DYRK1A: variants seen among roughly 807,000 people sequenced by gnomAD.
DYRK1A encodes the protein dual specificity tyrosine phosphorylation regulated kinase 1A.
DYRK1A carries 9 observed loss-of-function variants against 79.7 expected under a neutral mutation model. That is an observed-to-expected ratio of 0.11 (90% CI 0.07 to 0.20). The LOEUF (loss-of-function observed/expected upper bound fraction) is 0.20, where lower values mean the gene tolerates loss of function less well. Among genes scored for constraint, DYRK1A ranks in the 10% least tolerant of loss-of-function variants. DYRK1A has a pLI of 1.00. For synonymous variants in DYRK1A, 349 were observed against 329.7 expected (o/e 1.06, Z -0.63); for missense variants, 622 against 956.0 (o/e 0.65, Z 4.61).
chr21:37,401,072 A>C (rs557501552), intron 1 of DYRK1A, among the ~76,000 whole-genome samples: 1 of 152,214 alleles, frequency 6.6e-6, no homozygotes, highest in African/African-American at 2.4e-5. Flanking sequence ...TGAAGCCGAG[A>C]GGTGGAGGTT....
intron 9 of DYRK1A, chr21:37,502,890 A>C (rs1460149971): frequency 1.3e-5 from 2 of 152,196 alleles, no homozygotes; most frequent in Non-Finnish European, 2.9e-5. Context: ...TTATAGATTA[A>C]CTTCTTTCTT....
chr21:37,423,678 T>G (rs1265800467), intron 2 of DYRK1A, among the ~76,000 whole-genome samples: 1 of 152,192 alleles, frequency 6.6e-6, no homozygotes. Context: ...TTCTTTGTTT[T>G]GTTGAAATGA....
intron 1 of DYRK1A, among the ~76,000 whole-genome samples, chr21:37,414,361 T>A (rs2050297962): frequency 6.6e-6 from 1 of 152,180 alleles, no homozygotes; most frequent in Admixed American, 6.5e-5. Flanking sequence ...TAGTCGTGTG[T>A]GATTTGGGAT....
chr21:37,398,923 TA>T (rs780201317), intron 1 of DYRK1A, among the ~76,000 whole-genome samples: 14 of 148,460 alleles, frequency 9.4e-5, no homozygotes, highest in African/African-American at 3.4e-4. Flanking sequence ...TTTTTTTTTT[TA>T]AACCGCAGAG....
chr21:37,370,090 G>A (rs1000778521), intron 1 of DYRK1A, among the ~76,000 whole-genome samples: 1 of 152,082 alleles, frequency 6.6e-6, no homozygotes, highest in Non-Finnish European at 1.5e-5. Context: ...TAAAGATATG[G>A]GGGTGGAGAG....
intron 9 of DYRK1A, among the ~76,000 whole-genome samples, chr21:37,498,988 TTAA>T (rs2053358426): frequency 6.6e-6 from 1 of 152,122 alleles, no homozygotes; most frequent in African/African-American, 2.4e-5. Context: ...ACTGGGTTGT[TTAA>T]TAATTGAGTA....
chr21:37,479,618 T>G lies in DYRK1A; in HGVS notation c.301-1020T>G, dbSNP rs867470667. 1.1e-3 allele frequency among the ~76,000 whole-genome samples: 95 copies of G among 83,506 alleles called. 4 individuals are homozygous for G. The highest frequency in any genetic ancestry group is 1.2e-3 in the African/African-American group (23 of 19,112). The allele number at this position is 83,506 out of a possible 152,430, so 54.8% of individuals were successfully genotyped here. A position where few individuals can be genotyped will look rare whatever the true frequency, so the allele number is the denominator to read the frequency against. On this transcript the variant is annotated intron_variant, in intron 4 of 11. Coordinates refer to ENST00000647188, the MANE Select transcript of DYRK1A (RefSeq NM_001347721.2). ...TGTTTTTGTTTTTGTTTTTGTTTTT[T>G]GTTTTTTTTTTTTTTTTTGGAGACA...
rs527362141 is a variant in DYRK1A at position 37,434,399 on chromosome 21, G to T, written c.10+14015G>T. Among the ~76,000 whole-genome samples the T allele has an allele frequency of 2.6e-5, 4 of 152,266 alleles. No individual in the cohort carries two copies. In the South Asian group the frequency reaches 8.3e-4, roughly 32 times the overall value. On this transcript the variant is annotated intron_variant, in intron 2 of 11. Coordinates refer to ENST00000647188, the MANE Select transcript of DYRK1A (RefSeq NM_001347721.2). ...CTTTTATAAGGCACAAATGGGAACT[G>T]TGTCTCCTTGACATGTTTCAAAGCA...
At chr21:37,480,559 G>A (rs2052601125) in intron 4 of DYRK1A, 79 bp from the exon 5 acceptor site, 3 of 1,101,714 alleles carry the variant, frequency 2.7e-6, no homozygotes, top group East Asian at 2.5e-5. Flanking sequence ...GAAAATAGGT[G>A]TGTGTCAATA....
intron 1 of DYRK1A, among the ~76,000 whole-genome samples, chr21:37,381,450 A>G (rs1173299980): frequency 6.6e-6 from 1 of 152,170 alleles, no homozygotes; most frequent in Admixed American, 6.5e-5. Flanking sequence ...GGAGTGTATA[A>G]TTGTAGTAGT....
At chr21:37,398,163 TACAC>T (rs1481965208) in intron 1 of DYRK1A, among the ~76,000 whole-genome samples, 1 of 149,142 alleles carries the variant, frequency 6.7e-6, no homozygotes, top group African/African-American at 2.5e-5. Context: ...CCCTGCAGTG[TACAC>T]ACACACACAT....
chr21:37,390,260 T>TA (rs2148385177), intron 1 of DYRK1A, among the ~76,000 whole-genome samples: 1 of 152,296 alleles, frequency 6.6e-6, no homozygotes, highest in Admixed American at 6.5e-5. Flanking sequence ...GGGGTCTTAT[T>TA]ACCTTTATTT....
intron 2 of DYRK1A, among the ~76,000 whole-genome samples, chr21:37,467,811 A>G: frequency 6.6e-6 from 1 of 152,126 alleles, no homozygotes. Context: ...AATATGTGAG[A>G]GTAGTGTCTG....
chr21:37,405,127 G>GTT (rs1416311103), intron 1 of DYRK1A, among the ~76,000 whole-genome samples: 1 of 152,112 alleles, frequency 6.6e-6, no homozygotes, highest in Non-Finnish European at 1.5e-5. Flanking sequence ...ATACTTAAAT[G>GTT]ATTTTTTAGT....
chr21:37,444,329 A>G (rs900095896), intron 2 of DYRK1A, among the ~76,000 whole-genome samples: 2 of 152,242 alleles, frequency 1.3e-5, no homozygotes, highest in Non-Finnish European at 2.9e-5. Flanking sequence ...AAGTTGCAGA[A>G]TGGACATTTT....
intron 1 of DYRK1A, among the ~76,000 whole-genome samples, chr21:37,407,048 A>G (rs2050161568): frequency 6.6e-6 from 1 of 151,304 alleles, no homozygotes; most frequent in Non-Finnish European, 1.5e-5. Context: ...TTTCTTCTGG[A>G]CATTTTCCTT....
upstream of DYRK1A, among the ~76,000 whole-genome samples, chr21:37,366,569 G>C (rs962136757): frequency 6.6e-6 from 1 of 151,206 alleles, no homozygotes; most frequent in African/African-American, 2.4e-5. Flanking sequence ...CACTCGTAGC[G>C]GACCCGAGCT....
chr21:37,388,100 A>ATTTTTTTTTT, intron 1 of DYRK1A, among the ~76,000 whole-genome samples: 1 of 116,638 alleles, frequency 8.6e-6, no homozygotes, highest in Non-Finnish European at 1.7e-5. Context: ...CTTCCCTTTG[A>ATTTTTTTTTT]TTTTTTTTTT....
chr21:37,501,069 C>G (rs958071438), intron 9 of DYRK1A, among the ~76,000 whole-genome samples: 1 of 151,050 alleles, frequency 6.6e-6, no homozygotes, highest in African/African-American at 2.4e-5. Context: ...ATTTTTAAGC[C>G]TCTTTGCTAC....
Sources: gnomAD v4.1 joint callset for allele counts (sites outside exome capture counted in the v4.1 genomes callset) on GRCh38, gnomAD v4.1.1 for gene constraint, MANE v1.5 for transcripts, NCBI Gene and HGNC (gene_info 2026-07-23, HGNC 2026-07-21) for gene names.